ROBO2: variants seen among roughly 807,000 people sequenced by gnomAD.
ROBO2 encodes the protein roundabout guidance receptor 2, also known as roundabout homolog 2.
ROBO2 carries 53 observed loss-of-function variants against 160.8 expected under a neutral mutation model. The ratio of observed to expected loss-of-function variants is 0.33; its 90% confidence interval spans 0.26 to 0.41. The LOEUF is 0.41. Among genes scored for constraint, ROBO2 ranks in the 10% least tolerant of loss-of-function variants. ROBO2 has a pLI of 1.00. For missense variants in ROBO2, 1,577 were observed against 1,722.4 expected (o/e 0.92, Z 1.49); for synonymous variants, 664 against 611.7 (o/e 1.09, Z -1.26).
intron 2 of ROBO2, among the ~76,000 whole-genome samples, chr3:76,305,656 G>T (rs1348934932): frequency 6.6e-6 from 1 of 151,736 alleles, no homozygotes; most frequent in East Asian, 1.9e-4. Flanking sequence ...CTACTCAGGA[G>T]GCAGAGGCAG....
At chr3:77,188,536 C>T (rs2081496309) in intron 2 of ROBO2, among the ~76,000 whole-genome samples, 1 of 151,758 alleles carries the variant, frequency 6.6e-6, no homozygotes, top group South Asian at 2.1e-4. Context: ...TTTTATGTGG[C>T]ATTTTCATAC....
At chr3:77,481,348 TA>T in intron 4 of ROBO2, 129 bp downstream of exon 4, 1 of 628,096 alleles carries the variant, frequency 1.6e-6, no homozygotes, top group African/African-American at 1.9e-5. Context: ...AGTGACAAAT[TA>T]GAATTATCTT....
At chr3:76,051,519 G>A (rs2067652373) in intron 2 of ROBO2, among the ~76,000 whole-genome samples, 1 of 152,018 alleles carries the variant, frequency 6.6e-6, no homozygotes, top group Non-Finnish European at 1.5e-5. Flanking sequence ...TCTTGTAATG[G>A]GCGTGAATTA....
intron 2 of ROBO2, among the ~76,000 whole-genome samples, chr3:76,587,640 T>A (rs1400243007): frequency 1.3e-5 from 2 of 152,086 alleles, no homozygotes; most frequent in Non-Finnish European, 2.9e-5. Flanking sequence ...CCACAACACG[T>A]GGGGATTATA....
chr3:76,363,738 A>G (rs890021462), intron 2 of ROBO2, among the ~76,000 whole-genome samples: 1 of 152,090 alleles, frequency 6.6e-6, no homozygotes, highest in Non-Finnish European at 1.5e-5. Context: ...GCTCAGAATG[A>G]TCTGTAATTA....
intron 2 of ROBO2, among the ~76,000 whole-genome samples, chr3:77,330,012 G>A (rs926473494): frequency 1.3e-5 from 2 of 152,066 alleles, no homozygotes; most frequent in Non-Finnish European, 2.9e-5. Context: ...CTCAAACTAA[G>A]TTAGTAATAT....
chr3:76,256,086 G>A (rs1393646758), intron 2 of ROBO2, among the ~76,000 whole-genome samples: 1 of 151,826 alleles, frequency 6.6e-6, no homozygotes, highest in East Asian at 1.9e-4. Context: ...ATCCCTTGAA[G>A]TCAGGAGTTC....
chr3:76,044,029 A>C lies in ROBO2; in HGVS notation c.109+106427A>C, dbSNP rs573285057. Among the ~76,000 whole-genome samples, 52 of 152,116 alleles carry C rather than the reference A, an allele frequency of 3.4e-4. 1 individual carries two copies. Among genetic ancestry groups the C allele is most frequent in the African/African-American group, 1.2e-3 (49 of 41,390 alleles). On this transcript the variant is annotated intron_variant, in intron 2 of 26. Transcript: ENST00000487694. ...TTTTAATACCCTTTTGTTGGTGCTA[A>C]TTTGTAAGTGACCATTGTATACACC... is the stretch of plus-strand genomic sequence containing the variant.
intron 2 of ROBO2, among the ~76,000 whole-genome samples, chr3:76,587,146 G>T (rs2086094606): frequency 1.3e-5 from 2 of 152,124 alleles, no homozygotes; most frequent in Admixed American, 1.3e-4. Context: ...GTCTAAAATG[G>T]CTTTCCTTGA....
chr3:77,147,058 C>T (rs186059322), intron 2 of ROBO2, among the ~76,000 whole-genome samples: 4 of 152,120 alleles, frequency 2.6e-5, no homozygotes, highest in Non-Finnish European at 4.4e-5. Context: ...ATGCAATATG[C>T]ACCTGTTTAT....
At chr3:77,471,206 T>A (rs2083315040) in intron 2 of ROBO2, among the ~76,000 whole-genome samples, 1 of 152,184 alleles carries the variant, frequency 6.6e-6, no homozygotes, top group Non-Finnish European at 1.5e-5. Context: ...TAAACTAAGA[T>A]GGAAATGACT....
chr3:77,642,783 A>G (rs1454562839), intron 24 of ROBO2: 2 of 456,630 alleles, frequency 4.4e-6, no homozygotes, highest in Non-Finnish European at 8.8e-6. Flanking sequence ...GAAGCTCTCT[A>G]GAGAGACAAC....
At chr3:76,903,272 A>G (rs900162101) in intron 2 of ROBO2, among the ~76,000 whole-genome samples, 2 of 152,118 alleles carry the variant, frequency 1.3e-5, no homozygotes, top group African/African-American at 4.8e-5. Context: ...TTATCACATT[A>G]TAAGTTATAT....
In ROBO2 at chr3:76,069,947, G is replaced by T. The variant is rs1281589005; in HGVS notation, c.109+132345G>T. On this transcript the variant is annotated intron_variant, in intron 2 of 26. Transcript: ENST00000487694. ...GCAATCTCTAAACATAAGTTGTGAA[G>T]ATTTCACGGACACTTATCACTTCCC... Among the ~76,000 whole-genome samples, 9 of 152,258 alleles carry T rather than the reference G, an allele frequency of 5.9e-5. No homozygotes were observed. In the East Asian group the frequency reaches 1.4e-3, roughly 23 times the overall value.
chr3:77,277,180 C>CTTTCTT (rs761411650), intron 2 of ROBO2, among the ~76,000 whole-genome samples: 1 of 114,736 alleles, frequency 8.7e-6, no homozygotes, highest in African/African-American at 4.2e-5. Context: ...TTCTTTCTTT[C>CTTTCTT]TTTCTTTCTT....
chr3:76,946,669 C>T (rs1206390643), intron 2 of ROBO2, among the ~76,000 whole-genome samples: 1 of 152,132 alleles, frequency 6.6e-6, no homozygotes, highest in African/African-American at 2.4e-5. Context: ...AACTCCTAAC[C>T]TCAAGTGATC....
intron 2 of ROBO2, among the ~76,000 whole-genome samples, chr3:76,213,126 G>C (rs146771612): frequency 6.6e-6 from 1 of 152,014 alleles, no homozygotes; most frequent in Non-Finnish European, 1.5e-5. Flanking sequence ...GGAAAGATGG[G>C]TAGAATTTCA....
intron 2 of ROBO2, among the ~76,000 whole-genome samples, chr3:76,459,145 G>A (rs1427422539): frequency 6.6e-6 from 1 of 152,190 alleles, no homozygotes; most frequent in Admixed American, 6.5e-5. Flanking sequence ...TTGTTTGTGA[G>A]TTTGATTTGG....
chr3:77,095,310 G>A (rs958102012), intron 1 of ROBO2, among the ~76,000 whole-genome samples: 1 of 151,984 alleles, frequency 6.6e-6, no homozygotes, highest in Non-Finnish European at 1.5e-5. Flanking sequence ...GTGCTCATTG[G>A]ACATACTGGA....
Sources: allele counts gnomAD v4.1 joint callset (sites outside exome capture counted in the v4.1 genomes callset), GRCh38; gene constraint gnomAD v4.1.1; transcripts MANE v1.5; gene names NCBI Gene and HGNC (gene_info 2026-07-23, HGNC 2026-07-21).